The following PPCDC variants were observed in gnomAD, a reference collection of about 807,000 sequenced individuals.
PPCDC encodes phosphopantothenoylcysteine decarboxylase.
Under a neutral mutation model 20.7 loss-of-function variants are expected in PPCDC, and 20 were observed. The ratio of observed to expected loss-of-function variants is 0.97; its 90% CI spans 0.68 to 1.41. The LOEUF (loss-of-function observed/expected upper bound fraction) is 1.41, where lower values mean the gene tolerates loss of function less well. PPCDC is among the 40% of genes most tolerant of loss of function. The pLI, the probability that PPCDC is intolerant of heterozygous loss-of-function variation, is 0.00. For synonymous variants in PPCDC, 88 were observed against 100.3 expected (o/e 0.88, Z 0.73); for missense variants, 246 against 263.8 (o/e 0.93, Z 0.47).
At chr15:75,028,839 G>A (rs1189406029) in intron 2 of PPCDC, among the ~76,000 whole-genome samples, 7 of 152,086 alleles carry the variant, frequency 4.6e-5, no homozygotes, top group Non-Finnish European at 7.4e-5. Flanking sequence ...CTTTCATTCC[G>A]CCTTGAACAC....
At chr15:75,032,420 CA>C (rs1433520374) in intron 2 of PPCDC, among the ~76,000 whole-genome samples, 15 of 152,146 alleles carry the variant, frequency 9.9e-5, no homozygotes, top group African/African-American at 3.6e-4. Flanking sequence ...GACCACTTGA[CA>C]ATATTGAGAG....
At chr15:75,048,483 G>A in intron 4 of PPCDC, 70 bp from the exon 5 acceptor site, 2 of 1,560,222 alleles carry the variant, frequency 1.3e-6, no homozygotes, top group Non-Finnish European at 1.7e-6. Flanking sequence ...CTGGCTGCAG[G>A]GTCTGGAGGG....
Position 75,044,386 on chromosome 15 carries a change from A to C in PPCDC, c.232A>C (p.Ile78Leu). 2 of 1,613,566 alleles carry C rather than the reference A, an allele frequency of 1.2e-6. No individual in the cohort carries two copies. The highest frequency in any genetic ancestry group is 3.3e-5 in the Admixed American group (2 of 60,004). The part of the protein sequence containing the change: ...TLYSDADEWE[I>L]WKSRSDPVLH... The stretch of plus-strand genomic sequence containing the variant: ...GACCCCTTTTTCTTCCCTCTGCCAG[A>C]TATGGAAGAGCCGCTCTGACCCAGT... Residue 78 changes from isoleucine to leucine, a missense_variant and splice_region_variant, in exon 4 of 6, where the codon ATA (isoleucine) becomes CTA (leucine). Transcript: ENST00000342932.
intron 5 of PPCDC, 78 bp from the exon 6 acceptor site, chr15:75,049,072 A>G: frequency 7.4e-7 from 1 of 1,347,584 alleles, no homozygotes; most frequent in Non-Finnish European, 1.1e-6. Context: ...TGGGTGGAGC[A>G]CTTGGAGCAA....
At position 75,049,157 on chromosome 15, in the gene PPCDC, G is replaced by A. The variant is rs1368603540; in HGVS notation, c.537G>A (p.Gly179=). The change falls in exon 6 of 6, where the codon GGG becomes GGA. Residue 179 remains glycine (G), a synonymous_variant. Transcript: ENST00000342932. ...KKLVCGDEGL[G]AMAEVGTIVD... ...GCGGAATTTTGCTCCCAGGTCTCGG[G>A]GCCATGGCTGAAGTGGGGACCATCG... 1.2e-6 allele frequency: 2 copies of A among 1,613,944 alleles called. No homozygotes were observed. Among genetic ancestry groups the A allele is most frequent in the African/African-American group, 2.7e-5 (2 of 74,890 alleles).
At chr15:75,025,838 A>C (rs2065953491) in intron 1 of PPCDC, among the ~76,000 whole-genome samples, 1 of 152,100 alleles carries the variant, frequency 6.6e-6, no homozygotes, top group African/African-American at 2.4e-5. Flanking sequence ...GCCAGCCATC[A>C]CCCTTCCTGG....
At chr15:75,047,996 G>A (rs1311090950) in intron 4 of PPCDC, among the ~76,000 whole-genome samples, 1 of 152,176 alleles carries the variant, frequency 6.6e-6, no homozygotes, top group Non-Finnish European at 1.5e-5. Flanking sequence ...TCCGGGTGTG[G>A]GCGTGGATGA....
chr15:75,049,086 G>T, intron 5 of PPCDC, 64 bp from the exon 6 acceptor site: 2 of 1,444,074 alleles, frequency 1.4e-6, no homozygotes, highest in East Asian at 4.5e-5. Context: ...GGAGCAATGG[G>T]CAGGGGTCTG....
intron 2 of PPCDC, among the ~76,000 whole-genome samples, chr15:75,033,687 C>T (rs1180712404): frequency 6.6e-6 from 1 of 151,714 alleles, no homozygotes; most frequent in East Asian, 1.9e-4. Flanking sequence ...GGCCACCTGC[C>T]CGCTCTGTGT....
chr15:75,040,076 C>T (rs1394234014), intron 2 of PPCDC, among the ~76,000 whole-genome samples: 3 of 150,698 alleles, frequency 2.0e-5, no homozygotes, highest in South Asian at 4.2e-4. Flanking sequence ...ACACCATGCC[C>T]AGCCGTTCTC....
In PPCDC at chr15:75,033,898, C is replaced by T. The variant is rs1567051816; in HGVS notation, c.135+5445C>T. Among the ~76,000 whole-genome samples, 3 of 152,320 alleles carry T rather than the reference C, an allele frequency of 2.0e-5. No homozygotes were observed. The South Asian group carries it at 6.2e-4, about 32-fold the overall frequency. Reference sequence around the variant, plus strand: ...TGCAGAGCCTCCCTAGACCACCTCCCTGGTTTCCTTCTTGAGAATTTTCTG... The same window carrying T: ...TGCAGAGCCTCCCTAGACCACCTCCTTGGTTTCCTTCTTGAGAATTTTCTG... On this transcript the variant is annotated intron_variant, in intron 2 of 5. Coordinates refer to ENST00000342932, the MANE Select transcript of PPCDC (RefSeq NM_021823.5).
chr15:75,031,915 G>T (rs1202724156), intron 2 of PPCDC, among the ~76,000 whole-genome samples: 2 of 152,012 alleles, frequency 1.3e-5, no homozygotes, highest in Non-Finnish European at 2.9e-5. Context: ...GGAATTATAC[G>T]GTCTTGTTAG....
intron 4 of PPCDC, among the ~76,000 whole-genome samples, chr15:75,047,547 G>A (rs1301465955): frequency 6.6e-6 from 1 of 152,224 alleles, no homozygotes; most frequent in African/African-American, 2.4e-5. Flanking sequence ...GTCTGGAGTA[G>A]TCAGAGCACT....
intron 2 of PPCDC, among the ~76,000 whole-genome samples, chr15:75,034,007 G>C (rs1007365635): frequency 6.6e-6 from 1 of 152,228 alleles, no homozygotes; most frequent in African/African-American, 2.4e-5. Flanking sequence ...ATGAGAGCAC[G>C]ACTGTTTCCT....
At chr15:75,028,932 A>G (rs945351948) in intron 2 of PPCDC, among the ~76,000 whole-genome samples, 4 of 152,266 alleles carry the variant, frequency 2.6e-5, no homozygotes, top group South Asian at 2.1e-4. Context: ...CTGAAGCTCT[A>G]GGTTCAAACT....
chr15:75,048,220 C>T (rs942004521), intron 4 of PPCDC, among the ~76,000 whole-genome samples: 1 of 152,116 alleles, frequency 6.6e-6, no homozygotes, highest in African/African-American at 2.4e-5. Flanking sequence ...TCTGGTGCAA[C>T]CAAAAAAGCC....
chr15:75,037,373 C>T (rs1357253921), intron 2 of PPCDC, among the ~76,000 whole-genome samples: 1 of 152,164 alleles, frequency 6.6e-6, no homozygotes, highest in African/African-American at 2.4e-5. Context: ...CTCGAGAGGG[C>T]TGTTTTATGT....
intron 2 of PPCDC, among the ~76,000 whole-genome samples, chr15:75,041,987 C>T (rs1038706314): frequency 6.6e-6 from 1 of 152,236 alleles, no homozygotes; most frequent in Non-Finnish European, 1.5e-5. Context: ...ACGTCGCTCT[C>T]ACGTAGGAAT....
intron 2 of PPCDC, among the ~76,000 whole-genome samples, chr15:75,033,144 G>C (rs949142598): frequency 6.6e-6 from 1 of 152,144 alleles, no homozygotes; most frequent in African/African-American, 2.4e-5. Flanking sequence ...AAGAAAAATA[G>C]TATTTTATGA....
Sources: allele counts gnomAD v4.1 joint callset (sites outside exome capture counted in the v4.1 genomes callset), GRCh38; gene constraint gnomAD v4.1.1; transcripts MANE v1.5; gene names NCBI Gene and HGNC (gene_info 2026-07-23, HGNC 2026-07-21).